The following TAS2R1 variants were observed in gnomAD, a reference collection of about 807,000 sequenced individuals.
TAS2R1 encodes the protein taste receptor type 2 member 1.
For synonymous variants in TAS2R1, 141 were observed against 134.2 expected, an observed-to-expected ratio of 1.05 and a Z score of -0.35; for missense variants, 370 against 353.4, an observed-to-expected ratio of 1.05 and a Z score of -0.38.
the TAS2R1 span, among the ~76,000 whole-genome samples, chr5:9,874,171 C>A: frequency 6.6e-6 from 1 of 152,084 alleles, no homozygotes; most frequent in East Asian, 1.9e-4. Context: ...TCTCTACATG[C>A]AATATTTTAA....
the TAS2R1 span, among the ~76,000 whole-genome samples, chr5:9,860,169 G>A: frequency 2.6e-5 from 4 of 152,198 alleles, no homozygotes; most frequent in Non-Finnish European, 4.4e-5. Flanking sequence ...GATCCAGTGG[G>A]CAAATAACTC....
the TAS2R1 span, among the ~76,000 whole-genome samples, chr5:9,739,332 G>A: frequency 1.3e-5 from 2 of 151,650 alleles, no homozygotes; most frequent in African/African-American, 4.9e-5. Context: ...TCTGCCCTCT[G>A]CAGGTCAGGG....
chr5:9,659,198 T>G (rs1740479009), intron 2 of TAS2R1, among the ~76,000 whole-genome samples: 2 of 152,268 alleles, frequency 1.3e-5, no homozygotes, highest in South Asian at 4.1e-4. Flanking sequence ...AATTGCACCC[T>G]ACACCCGTGT....
intron 2 of TAS2R1, among the ~76,000 whole-genome samples, chr5:9,657,961 G>A (rs1353037295): frequency 6.6e-6 from 1 of 152,150 alleles, no homozygotes. Flanking sequence ...GAGTCACACA[G>A]ACTTGACTTG....
At chr5:9,678,657 T>C (rs1297162063) in intron 1 of TAS2R1, among the ~76,000 whole-genome samples, 1 of 152,138 alleles carries the variant, frequency 6.6e-6, no homozygotes. Flanking sequence ...TGGAAGCTGT[T>C]ATCCTCAGCA....
the TAS2R1 span, among the ~76,000 whole-genome samples, chr5:9,773,928 G>T: frequency 6.6e-6 from 1 of 152,046 alleles, no homozygotes; most frequent in African/African-American, 2.4e-5. Context: ...ATGTTCTATA[G>T]CCTTCTTGTA....
intron 1 of TAS2R1, among the ~76,000 whole-genome samples, chr5:9,684,050 T>G (rs1471670487): frequency 6.6e-6 from 1 of 152,196 alleles, no homozygotes; most frequent in Admixed American, 6.5e-5. Flanking sequence ...CTACTGGCAT[T>G]CATTTCCAAA....
At position 9,629,292 on chromosome 5, in the gene TAS2R1, G is replaced by A. The variant is rs748620995; in HGVS notation, c.741C>T (p.Leu247=). The part of the protein sequence containing the change: ...YFSHCMIKVF[L]SSLKFHIRRF... ...TTCTGATGTGAAACTTTAGAGAAGA[G>A]AGAAAAACTTTTATCATGCAGTGGG... is the stretch of plus-strand genomic sequence containing the variant. The change falls in exon 1 of 1, where the codon CTC becomes CTT. Residue 247 remains leucine, a synonymous_variant. Transcript: ENST00000382492. 6.2e-7 allele frequency: 1 copy of A among 1,613,514 alleles called. No individual in the cohort carries two copies.
chr5:9,746,340 T>C, the TAS2R1 span, among the ~76,000 whole-genome samples: 3 of 152,194 alleles, frequency 2.0e-5, no homozygotes, highest in Admixed American at 2.0e-4. Context: ...AGTTCAACCA[T>C]TGTGGAAGAC....
the TAS2R1 span, among the ~76,000 whole-genome samples, chr5:9,864,632 CAA>C: frequency 4.5e-4 from 55 of 122,088 alleles, no homozygotes; most frequent in Non-Finnish European, 3.6e-4. Flanking sequence ...AGACTCCACT[CAA>C]AAAAAAAAAA....
chr5:9,824,323 G>C, the TAS2R1 span, among the ~76,000 whole-genome samples: 4 of 152,192 alleles, frequency 2.6e-5, no homozygotes, highest in Non-Finnish European at 4.4e-5. Flanking sequence ...AGGGTTGTTA[G>C]GTCTTTTCTG....
At chr5:9,752,620 A>G in the TAS2R1 span, among the ~76,000 whole-genome samples, 1 of 152,192 alleles carries the variant, frequency 6.6e-6, no homozygotes, top group South Asian at 2.1e-4. Context: ...ACATATGTGT[A>G]CATGTGCCAT....
chr5:9,640,497 T>TAA (rs56140715), intron 2 of TAS2R1, among the ~76,000 whole-genome samples: 4,128 of 58,912 alleles, frequency 0.07, 560 homozygotes, highest in African/African-American at 0.097. Context: ...TTCAATTCCT[T>TAA]AAAAAAAAAA....
At chr5:9,852,155 T>C in the TAS2R1 span, among the ~76,000 whole-genome samples, 15 of 152,222 alleles carry the variant, frequency 9.9e-5, no homozygotes, top group Non-Finnish European at 4.4e-5. Context: ...TTATTTTTAA[T>C]GAAGAATCAA....
At chr5:9,864,843 G>A in the TAS2R1 span, among the ~76,000 whole-genome samples, 2 of 152,208 alleles carry the variant, frequency 1.3e-5, no homozygotes, top group East Asian at 3.9e-4. Context: ...TCAGCCTGTG[G>A]CATGCAGGAA....
chr5:9,689,011 T>C (rs1741183215), intron 1 of TAS2R1, among the ~76,000 whole-genome samples: 1 of 152,112 alleles, frequency 6.6e-6, no homozygotes, highest in Admixed American at 6.5e-5. Context: ...ATCAGCACCA[T>C]TTTCATCTGC....
At chr5:9,899,547 G>T in the TAS2R1 span, among the ~76,000 whole-genome samples, 1 of 151,152 alleles carries the variant, frequency 6.6e-6, no homozygotes, top group Non-Finnish European at 1.5e-5. Context: ...TGAGGCAGAA[G>T]AATTGCTTGA....
chr5:9,857,771 G>A, the TAS2R1 span, among the ~76,000 whole-genome samples: 1 of 151,974 alleles, frequency 6.6e-6, no homozygotes, highest in East Asian at 1.9e-4. Flanking sequence ...AAAAGTAGAG[G>A]CTTGTTCCAG....
At chr5:9,714,351 C>T (rs1734763325), upstream of TAS2R1, 1 of 152,200 alleles carries the variant, frequency 6.6e-6, no homozygotes, top group Non-Finnish European at 1.5e-5. Context: ...GTAATCAGTA[C>T]TTTTGGGAGA....
Sources: allele counts gnomAD v4.1 joint callset (sites outside exome capture counted in the v4.1 genomes callset), GRCh38; gene constraint gnomAD v4.1.1; transcripts MANE v1.5; gene names NCBI Gene and HGNC (gene_info 2026-07-23, HGNC 2026-07-21).